The following ADAMTS10 variants were observed in gnomAD, a reference collection of about 807,000 sequenced individuals.
The protein encoded by ADAMTS10 is ADAM metallopeptidase with thrombospondin type 1 motif 10.
ADAMTS10 carries 48 observed loss-of-function variants against 135.9 expected under a neutral mutation model. The observed-to-expected ratio is 0.35, with a 90% CI of 0.28 to 0.45. The LOEUF is 0.45. Among genes scored for constraint, ADAMTS10 ranks in the 20% least tolerant of loss-of-function variants. The pLI is 1.00. For synonymous variants in ADAMTS10, 621 were observed against 647.5 expected (o/e 0.96, Z 0.62); for missense variants, 1,131 against 1,565.2 (o/e 0.72, Z 4.68).
chr19:8,602,474 A>G, intron 5 of ADAMTS10, among the ~76,000 whole-genome samples: 1 of 152,018 alleles, frequency 6.6e-6, no homozygotes, highest in Non-Finnish European at 1.5e-5. Context: ...GTGTGCCACC[A>G]CGCCTGGCTA....
At position 8,586,776 on chromosome 19, in the gene ADAMTS10, C is replaced by CTAATGGGGGAGGA. The variant is rs781825456; in HGVS notation, c.2239+39_2239+40insTCCTCCCCCATTA. The CTAATGGGGGAGGA allele has an allele frequency of 7.4e-6, 12 of 1,614,072 alleles. No homozygotes were observed. The African/African-American group carries it at 1.1e-4, about 14-fold the overall frequency. ...AGTCATGCTGAAACCGCCCTCCCCA[C>CTAATGGGGGAGGA]TGACCCCTAATCCTCATCCCCTCCC... is the stretch of plus-strand genomic sequence containing the variant. On this transcript the variant is annotated intron_variant, in intron 19 of 25. Coordinates refer to ENST00000597188, the MANE Select transcript of ADAMTS10 (RefSeq NM_030957.4).
chr19:8,604,937 C>T (rs182307192), intron 4 of ADAMTS10, 75 bp downstream of exon 4: 2 of 1,446,064 alleles, frequency 1.4e-6, no homozygotes, highest in Non-Finnish European at 1.9e-6. Flanking sequence ...CTTCTCTGCC[C>T]TCTATGTAGA....
At chr19:8,587,024 G>A (rs2042442489) in intron 18 of ADAMTS10, 128 bp from the exon 19 acceptor site, 1 of 981,476 alleles carries the variant, frequency 1.0e-6, no homozygotes, top group Non-Finnish European at 1.6e-6. Context: ...CTGCACCCCT[G>A]CCCCACCCTT....
In ADAMTS10 at chr19:8,596,511, T is replaced by C. The variant is rs781941480; in HGVS notation, c.1084+31A>G. ...GTCTCACCCCAGCCCACTGCCTTCA[T>C]AGGCGCCTGAAACCTACGGGGCTCG... On this transcript the variant is annotated intron_variant, in intron 9 of 25. Transcript: ENST00000597188. This position sits in a 1 kb window ranked among gnomAD's most constrained non-coding sequence, Gnocchi z 7.2. The C allele has an allele frequency of 5.6e-6, 9 of 1,613,752 alleles. No homozygotes were observed. In the African/African-American group the frequency reaches 6.7e-5, roughly 12 times the overall value.
Position 8,592,632 on chromosome 19 carries a change from A to C in ADAMTS10, c.1587+131T>G, listed in dbSNP as rs372598432. 5.8e-4 allele frequency: 541 copies of C among 929,870 alleles called. 5 individuals are homozygous for C. In the East Asian group the frequency reaches 0.01, roughly 18 times the overall value. 57.6% of individuals were successfully genotyped at this position (929,870 alleles called of 1,614,324 possible). A position where few individuals can be genotyped will look rare whatever the true frequency, so the allele number is the denominator to read the frequency against. ...CAGTAGGCGTGGCCACAGCCGAGGG[A>C]GCACAAATGGCGGGCGTGGCCAATG... On this transcript the variant is annotated intron_variant, in intron 13 of 25. Transcript: ENST00000597188.
rs1290235527 is a variant in ADAMTS10 at position 8,601,582 on chromosome 19, G to A, written c.593-437C>T. On this transcript the variant is annotated intron_variant, in intron 5 of 25. Transcript: ENST00000597188. This position sits in a 1 kb window ranked among gnomAD's most constrained non-coding sequence, Gnocchi z 4.6. ...TCACCATGTTGGCCAGGCTGGTCTC[G>A]AACTCCTGACCTCAAGTGATCCACC... Among the ~76,000 whole-genome samples the A allele has an allele frequency of 1.3e-4, 20 of 151,920 alleles. 1 individual carries two copies. The highest frequency in any genetic ancestry group is 8.5e-4 in the Admixed American group (13 of 15,250).
In ADAMTS10 at chr19:8,589,223, G is replaced by A; in HGVS notation, c.2158+19C>T. On this transcript the variant is annotated intron_variant, in intron 18 of 25. Transcript: ENST00000597188. ...CTGGCCCATGCAGGGAGTGTGGGAG[G>A]GAAGCTGGAGACTCTCACCGGCCCC... 1 of 1,612,224 alleles carries A rather than the reference G, an allele frequency of 6.2e-7. No homozygotes were observed. Among genetic ancestry groups the A allele is most frequent in the Non-Finnish European group, 8.5e-7 (1 of 1,179,964 alleles).
Position 8,580,572 on chromosome 19 carries a change from G to C in ADAMTS10, c.*321C>G, listed in dbSNP as rs897255913. The C allele has an allele frequency of 2.4e-5, 8 of 340,084 alleles. No homozygotes were observed. Among genetic ancestry groups the C allele is most frequent in the African/African-American group, 8.7e-5 (4 of 46,214 alleles). The allele number at this position is 340,084 out of a possible 1,614,324, so 21.1% of individuals were successfully genotyped here. A position where few individuals can be genotyped will look rare whatever the true frequency, so the allele number is the denominator to read the frequency against. On this transcript the variant is annotated 3_prime_UTR_variant, in exon 26 of 26. Coordinates refer to ENST00000597188, the MANE Select transcript of ADAMTS10 (RefSeq NM_030957.4). ...ACAGTACATATTCCGATCAAAGGAG[G>C]GGGGGAGTGTTGGGGACTCCCTAAG...
At chr19:8,581,130 CT>C (rs369050914) in intron 25 of ADAMTS10, 128 bp from the exon 26 acceptor site, 2,244 of 146,368 alleles carry the variant, frequency 0.015, 11 homozygotes, top group East Asian at 0.037. Flanking sequence ...TTTAAATTTA[CT>C]TTTTTTTTTT....
At chr19:8,589,212 G>C in intron 18 of ADAMTS10, 30 bp downstream of exon 18, 2 of 1,611,792 alleles carry the variant, frequency 1.2e-6, no homozygotes, top group South Asian at 1.1e-5. Context: ...CCCATGCAGG[G>C]AGTGTGGGAG....
Position 8,596,943 on chromosome 19 carries a change from T to A in ADAMTS10, c.1040+44A>T. ...TGGACTCTCATGGTTCCCTGGACCA[T>A]CTGTTTTCTCAGCCCCAGTCCTAGA... is the stretch of plus-strand genomic sequence containing the variant. On this transcript the variant is annotated intron_variant, in intron 8 of 25. Coordinates refer to ENST00000597188, the MANE Select transcript of ADAMTS10 (RefSeq NM_030957.4). The surrounding 1 kb of genome is among the most constrained non-coding windows in gnomAD (Gnocchi z 7.2). 1 of 1,607,166 alleles carries A rather than the reference T, an allele frequency of 6.2e-7. No individual in the cohort carries two copies.
In ADAMTS10 at chr19:8,601,083, G is replaced by A; in HGVS notation, c.655C>T (p.Pro219Ser). ...LRTLKPPPAR[P>S]LGNETERGQP... is the part of the protein sequence containing the mutation. ...CCACGCTCTGTTTCATTCCCCAGGG[G>A]CCTGGCAGGCGGTGGCTTCAAGGTC... is the stretch of plus-strand genomic sequence containing the variant. The change falls in exon 6 of 26, where the codon CCC (proline) becomes TCC (serine). Residue 219 changes from proline to serine, a missense_variant. Coordinates refer to ENST00000597188, the MANE Select transcript of ADAMTS10 (RefSeq NM_030957.4). The surrounding 1 kb of genome is among the most constrained non-coding windows in gnomAD (Gnocchi z 4.6). The A allele has an allele frequency of 6.2e-7, 1 of 1,614,044 alleles. No individual in the cohort carries two copies. The highest frequency in any genetic ancestry group is 1.1e-5 in the South Asian group (1 of 91,088).
At chr19:8,589,718 G>T in intron 16 of ADAMTS10, 133 bp from the exon 17 acceptor site, 5 of 1,471,816 alleles carry the variant, frequency 3.4e-6, no homozygotes, top group Non-Finnish European at 4.6e-6. Flanking sequence ...AGGGAGTGGG[G>T]GCTCCCAGCG....
rs578073783 is a variant in ADAMTS10, at chr19:8,589,461, G to A, written c.2025C>T (p.Gly675=). The change falls in exon 17 of 26, where the codon GGC becomes GGT. Residue 675 remains glycine (G), a synonymous_variant. Transcript: ENST00000597188. ...RPDTVDICVS[G]ECKHVGCDRV... is the part of the protein sequence containing the mutation. Reference sequence around the variant, plus strand: ...TGGGAGTCCCCTCCACCTTGCATTCGCCACTGACGCAAATGTCCACCGTGT... The same window carrying A: ...TGGGAGTCCCCTCCACCTTGCATTCACCACTGACGCAAATGTCCACCGTGT... 9.9e-6 allele frequency: 16 copies of A among 1,608,070 alleles called. No individual in the cohort carries two copies. The highest frequency in any genetic ancestry group is 2.2e-5 in the East Asian group (1 of 44,676).
intron 4 of ADAMTS10, 116 bp from the exon 5 acceptor site, chr19:8,604,000 TC>T (rs1555742001): frequency 1.1e-5 from 12 of 1,098,080 alleles, no homozygotes; most frequent in South Asian, 4.0e-5. Flanking sequence ...TTTTGCTATT[TC>T]TTTTTTTTTT....
intron 25 of ADAMTS10, 67 bp from the exon 26 acceptor site, chr19:8,581,069 G>T: frequency 1.0e-6 from 1 of 1,003,588 alleles, no homozygotes; most frequent in Non-Finnish European, 1.5e-6. Flanking sequence ...CTGCACACAC[G>T]ACCTGCAGTG....
chr19:8,593,758 A>T (rs782799260), intron 12 of ADAMTS10, among the ~76,000 whole-genome samples: 15 of 152,060 alleles, frequency 9.9e-5, no homozygotes, highest in Non-Finnish European at 1.5e-4. Flanking sequence ...GTCCTCTCTG[A>T]CCCTCTTGGC....
chr19:8,607,421 A>G (rs1160503262), intron 2 of ADAMTS10, among the ~76,000 whole-genome samples: 1 of 152,008 alleles, frequency 6.6e-6, no homozygotes, highest in African/African-American at 2.4e-5. Flanking sequence ...CCCGCCCCGC[A>G]GGTCTCAGTC....
intron 5 of ADAMTS10, among the ~76,000 whole-genome samples, chr19:8,602,330 C>CT (rs1568405581): frequency 6.6e-6 from 1 of 151,996 alleles, no homozygotes; most frequent in African/African-American, 2.4e-5. Flanking sequence ...ATCTGATTTT[C>CT]TTTTTTGAGA....
Sources: allele counts gnomAD v4.1 joint callset (sites outside exome capture counted in the v4.1 genomes callset), GRCh38; gene constraint gnomAD v4.1.1; non-coding constraint Gnocchi (gnomAD v3.1); transcripts MANE v1.5; gene names NCBI Gene and HGNC (gene_info 2026-07-23, HGNC 2026-07-21).